Variants in PIP4P2 observed in about 807,000 individuals in gnomAD.
PIP4P2 encodes the protein phosphatidylinositol-4,5-bisphosphate 4-phosphatase 2, also known as type 2 phosphatidylinositol 4,5-bisphosphate 4-phosphatase.
In PIP4P2, 19 loss-of-function variants were observed where a neutral mutation model predicts 33.3. That is an observed-to-expected ratio of 0.57 (90% CI 0.40 to 0.84). The LOEUF (loss-of-function observed/expected upper bound fraction) is 0.84, where lower values mean the gene tolerates loss of function less well. Ranked by LOEUF, PIP4P2 falls within the 40% of genes least tolerant of loss-of-function variation. PIP4P2 has a pLI of 0.00. For synonymous variants in PIP4P2, 110 were observed against 111.9 expected, an observed-to-expected ratio of 0.98 and a Z score of 0.11; for missense variants, 270 against 324.7, an observed-to-expected ratio of 0.83 and a Z score of 1.29.
intron 1 of PIP4P2, among the ~76,000 whole-genome samples, chr8:91,022,544 A>G (rs1812025336): frequency 6.6e-6 from 1 of 152,180 alleles, no homozygotes; most frequent in African/African-American, 2.4e-5. Context: ...ACTCTAACAT[A>G]TGATTGAAGC....
At chr8:91,020,073 C>A in intron 3 of PIP4P2, 84 bp downstream of exon 3, 1 of 1,344,176 alleles carries the variant, frequency 7.4e-7, no homozygotes, top group South Asian at 1.3e-5. Flanking sequence ...CTTTCTAGAA[C>A]AAAGCCTGGC....
chr8:91,038,826 A>G (rs1487422895), intron 1 of PIP4P2, among the ~76,000 whole-genome samples: 1 of 152,230 alleles, frequency 6.6e-6, no homozygotes, highest in East Asian at 1.9e-4. Context: ...TCATTCACCA[A>G]TTAAGAAAAA....
intron 3 of PIP4P2, among the ~76,000 whole-genome samples, chr8:91,019,578 A>AG (rs1256931839): frequency 6.6e-6 from 1 of 151,434 alleles, no homozygotes; most frequent in Non-Finnish European, 1.5e-5. Flanking sequence ...AAAAAAAAAA[A>AG]AGAGAGAGAC....
At chr8:91,040,525 C>T in intron 1 of PIP4P2, 119 bp downstream of exon 1, 1 of 1,171,582 alleles carries the variant, frequency 8.5e-7, no homozygotes, top group Non-Finnish European at 1.2e-6. Context: ...CATCCTTCCT[C>T]AGCCCAAGCG....
chr8:91,015,896 A>C (rs1465356523), intron 4 of PIP4P2, among the ~76,000 whole-genome samples: 1 of 152,240 alleles, frequency 6.6e-6, no homozygotes, highest in Non-Finnish European at 1.5e-5. Context: ...AACACCTTCA[A>C]ATAAGAAGAG....
Position 91,040,824 on chromosome 8 carries a change from G to C in PIP4P2, c.-75C>G. On this transcript the variant is annotated 5_prime_UTR_variant, in exon 1 of 7. Transcript: ENST00000285419. ...CGGCGGAGTGGTGGCTACTGCTGCT[G>C]CCTCTGCTGCCGCTGCTGCCGCTGC... 1 of 1,347,144 alleles carries C rather than the reference G, an allele frequency of 7.4e-7. No individual in the cohort carries two copies. Among genetic ancestry groups the C allele is most frequent in the Admixed American group, 1.9e-5 (1 of 51,518 alleles). 83.4% of individuals were successfully genotyped at this position (1,347,144 alleles called of 1,614,324 possible). A position where few individuals can be genotyped will look rare whatever the true frequency, so the allele number is the denominator to read the frequency against.
At chr8:91,034,550 C>T (rs537198704) in intron 1 of PIP4P2, among the ~76,000 whole-genome samples, 1 of 152,180 alleles carries the variant, frequency 6.6e-6, no homozygotes, top group Non-Finnish European at 1.5e-5. Flanking sequence ...ATTAGCATAG[C>T]ACAATAGGCT....
intron 1 of PIP4P2, among the ~76,000 whole-genome samples, chr8:91,027,640 A>G (rs773743759): frequency 2.0e-5 from 3 of 152,060 alleles, no homozygotes; most frequent in Non-Finnish European, 2.9e-5. Context: ...ATAAAACACA[A>G]TAATGAATTT....
At chr8:91,031,165 C>T (rs1245315921) in intron 1 of PIP4P2, among the ~76,000 whole-genome samples, 2 of 152,144 alleles carry the variant, frequency 1.3e-5, no homozygotes, top group African/African-American at 4.8e-5. Flanking sequence ...TTTGCTGAGC[C>T]TGGCAAGGTA....
intron 5 of PIP4P2, among the ~76,000 whole-genome samples, chr8:90,998,493 C>G (rs569386527): frequency 1.3e-5 from 2 of 151,988 alleles, no homozygotes; most frequent in African/African-American, 2.4e-5. Flanking sequence ...ATCATAAAAT[C>G]TCTTACATAT....
chr8:91,011,985 A>G (rs773814036), intron 4 of PIP4P2, among the ~76,000 whole-genome samples: 12 of 152,064 alleles, frequency 7.9e-5, no homozygotes, highest in Non-Finnish European at 1.5e-4. Context: ...GTCACATATA[A>G]TAGTTCTTTT....
At chr8:91,023,759 T>C (rs1300503085) in intron 1 of PIP4P2, among the ~76,000 whole-genome samples, 1 of 152,116 alleles carries the variant, frequency 6.6e-6, no homozygotes, top group Non-Finnish European at 1.5e-5. Context: ...TCATAATGCC[T>C]GGTCTATGAT....
At chr8:91,015,876 GA>G (rs772285612) in intron 4 of PIP4P2, among the ~76,000 whole-genome samples, 64 of 152,316 alleles carry the variant, frequency 4.2e-4, no homozygotes, top group East Asian at 3.5e-3. Flanking sequence ...GGAATGCTGA[GA>G]AAGGTAAAAA....
At chr8:91,019,434 T>G (rs1283917131) in intron 3 of PIP4P2, among the ~76,000 whole-genome samples, 1 of 116,648 alleles carries the variant, frequency 8.6e-6, no homozygotes, top group African/African-American at 3.2e-5. Flanking sequence ...ATATATTACC[T>G]GGGAGTGGTG....
intron 5 of PIP4P2, among the ~76,000 whole-genome samples, chr8:90,999,463 C>T (rs1811674213): frequency 6.6e-6 from 1 of 152,024 alleles, no homozygotes; most frequent in South Asian, 2.1e-4. Context: ...TTGGCTTTTC[C>T]ACTCAATTCA....
At chr8:91,026,801 T>C (rs1812088997) in intron 1 of PIP4P2, among the ~76,000 whole-genome samples, 2 of 152,190 alleles carry the variant, frequency 1.3e-5, no homozygotes. Flanking sequence ...CCAAACTCCT[T>C]ACCAATGGGA....
chr8:91,022,916 C>G (rs559921784), intron 1 of PIP4P2, among the ~76,000 whole-genome samples: 44 of 152,228 alleles, frequency 2.9e-4, no homozygotes, highest in South Asian at 2.1e-3. Flanking sequence ...TAACAGAACA[C>G]TGCCAAACAC....
chr8:91,014,319 A>G (rs1811882076), intron 4 of PIP4P2, among the ~76,000 whole-genome samples: 1 of 152,190 alleles, frequency 6.6e-6, no homozygotes, highest in African/African-American at 2.4e-5. Context: ...CATTATTCAT[A>G]AAAACCAAGA....
At chr8:91,038,579 T>A (rs1264572684) in intron 1 of PIP4P2, among the ~76,000 whole-genome samples, 1 of 152,192 alleles carries the variant, frequency 6.6e-6, no homozygotes, top group Non-Finnish European at 1.5e-5. Flanking sequence ...TCACTCTTGT[T>A]CCCCTAGAGC....
Sources: gnomAD v4.1 joint callset for allele counts (sites outside exome capture counted in the v4.1 genomes callset) on GRCh38, gnomAD v4.1.1 for gene constraint, MANE v1.5 for transcripts, NCBI Gene and HGNC (gene_info 2026-07-23, HGNC 2026-07-21) for gene names.